The following THSD4 variants were observed in gnomAD, a reference collection of about 807,000 sequenced individuals.
THSD4 encodes the protein thrombospondin type-1 domain-containing protein 4.
In THSD4, 69 loss-of-function variants were observed where a neutral mutation model predicts 119.0. That is an observed-to-expected ratio of 0.58 (90% CI 0.48 to 0.71). The LOEUF is 0.71. THSD4 is among the 30% of genes least tolerant of loss of function. The pLI, the probability that THSD4 is intolerant of heterozygous loss-of-function variation, is 0.00. For synonymous variants in THSD4, 524 were observed against 540.4 expected (o/e 0.97, Z 0.42); for missense variants, 1,393 against 1,391.1 (o/e 1.00, Z -0.02).
At chr15:71,561,783 C>G (rs2049121167) in intron 7 of THSD4, among the ~76,000 whole-genome samples, 1 of 152,082 alleles carries the variant, frequency 6.6e-6, no homozygotes, top group African/African-American at 2.4e-5. Context: ...TGTCCATACC[C>G]TCCCAGGTGG....
intron 8 of THSD4, among the ~76,000 whole-genome samples, chr15:71,706,950 T>C (rs1303849371): frequency 1.3e-5 from 2 of 152,030 alleles, no homozygotes; most frequent in Non-Finnish European, 2.9e-5. Flanking sequence ...GGAGAGGAGT[T>C]GGCAGAGTGG....
At chr15:71,099,734 G>A (rs866729303) in intron 1 of THSD4, among the ~76,000 whole-genome samples, 12 of 152,076 alleles carry the variant, frequency 7.9e-5, no homozygotes, top group African/African-American at 1.9e-4. Context: ...GGAGGCCAAG[G>A]GGGGCAGATC....
In THSD4 at chr15:71,271,678, A is replaced by G. The variant is rs116427209; in HGVS notation, c.1015+14963A>G. ...CTTTTCCCTTTTCTCTTTCTTTCTC[A>G]TTGTCTCACTCTCTGCCTCTCTCTC... On this transcript the variant is annotated intron_variant, in intron 6 of 17. Transcript: ENST00000261862. 4.2e-3 allele frequency among the ~76,000 whole-genome samples: 635 copies of G among 152,154 alleles called. 3 individuals carry two copies. The highest frequency in any genetic ancestry group is 0.015 in the African/African-American group (610 of 41,508).
At chr15:71,749,653 C>T (rs1446882126) in intron 14 of THSD4, among the ~76,000 whole-genome samples, 2 of 151,036 alleles carry the variant, frequency 1.3e-5, no homozygotes, top group East Asian at 1.9e-4. Context: ...AGGGATTCTA[C>T]ATTTATTTTC....
At chr15:71,736,967 T>C (rs1373404252) in intron 10 of THSD4, among the ~76,000 whole-genome samples, 3 of 152,250 alleles carry the variant, frequency 2.0e-5, no homozygotes, top group East Asian at 1.9e-4. Flanking sequence ...TATGTGTGTG[T>C]GTTCTGCTTT....
intron 2 of THSD4, among the ~76,000 whole-genome samples, chr15:71,153,292 C>G (rs1174954065): frequency 6.6e-6 from 1 of 152,188 alleles, no homozygotes; most frequent in African/African-American, 2.4e-5. Context: ...CAAACTCCAT[C>G]CTCCAGCCTC....
intron 3 of THSD4, among the ~76,000 whole-genome samples, chr15:71,173,489 A>G (rs998503837): frequency 6.6e-6 from 1 of 151,726 alleles, no homozygotes; most frequent in African/African-American, 2.4e-5. Flanking sequence ...TAAAAATCCC[A>G]GTTGTTATTG....
At chr15:71,271,537 A>G (rs1392649274) in intron 6 of THSD4, among the ~76,000 whole-genome samples, 1 of 152,252 alleles carries the variant, frequency 6.6e-6, no homozygotes, top group Admixed American at 6.5e-5. Flanking sequence ...GTTTTATGTC[A>G]TGATTGGCAT....
intron 7 of THSD4, among the ~76,000 whole-genome samples, chr15:71,412,061 G>A (rs886205941): frequency 2.0e-5 from 3 of 152,198 alleles, no homozygotes; most frequent in African/African-American, 7.2e-5. Flanking sequence ...AGTGATTTAT[G>A]TTGACACCAC....
chr15:71,767,818 T>C (rs1328772051), intron 16 of THSD4, among the ~76,000 whole-genome samples: 2 of 152,206 alleles, frequency 1.3e-5, no homozygotes, highest in Admixed American at 6.5e-5. Flanking sequence ...GGGATATCTT[T>C]TTCTAGCAGG....
At chr15:71,506,223 T>C (rs1165893719) in intron 7 of THSD4, among the ~76,000 whole-genome samples, 13 of 152,188 alleles carry the variant, frequency 8.5e-5, no homozygotes, top group Admixed American at 2.6e-4. Flanking sequence ...GAATCAAATA[T>C]CTTTTGCCTC....
chr15:71,457,692 C>G (rs2047360279), intron 7 of THSD4, among the ~76,000 whole-genome samples: 1 of 152,210 alleles, frequency 6.6e-6, no homozygotes, highest in African/African-American at 2.4e-5. Flanking sequence ...TTCTTCGATG[C>G]TTCTGTTCAG....
intron 11 of THSD4, among the ~76,000 whole-genome samples, chr15:71,742,513 A>G (rs142821652): frequency 4.0e-4 from 61 of 152,138 alleles, no homozygotes; most frequent in African/African-American, 1.4e-3. Context: ...CCCCCCTTCA[A>G]CATGACATAT....
chr15:71,569,105 A>T (rs1486005147), intron 7 of THSD4, among the ~76,000 whole-genome samples: 1 of 152,266 alleles, frequency 6.6e-6, no homozygotes, highest in Non-Finnish European at 1.5e-5. Context: ...AGAAGCATCC[A>T]GGGTAAAATG....
At chr15:71,331,999 A>G (rs1055178437) in intron 6 of THSD4, among the ~76,000 whole-genome samples, 4 of 152,188 alleles carry the variant, frequency 2.6e-5, no homozygotes, top group African/African-American at 9.7e-5. Flanking sequence ...TCAGATAGCA[A>G]TGCAAGTCTG....
chr15:71,369,167 TAAG>T (rs2046008739), intron 6 of THSD4, among the ~76,000 whole-genome samples: 1 of 152,242 alleles, frequency 6.6e-6, no homozygotes, highest in Admixed American at 6.5e-5. Flanking sequence ...CTTATCAGCT[TAAG>T]GAGATTTTGG....
intron 6 of THSD4, among the ~76,000 whole-genome samples, chr15:71,329,037 C>T (rs770938139): frequency 6.6e-6 from 1 of 152,176 alleles, no homozygotes; most frequent in African/African-American, 2.4e-5. Context: ...CTTATTTTAG[C>T]TTCAAGCCAA....
intron 8 of THSD4, among the ~76,000 whole-genome samples, chr15:71,706,891 T>C (rs965732900): frequency 1.3e-5 from 2 of 152,158 alleles, no homozygotes; most frequent in African/African-American, 4.8e-5. Flanking sequence ...ACGTGGTTTG[T>C]CTTTTCCTTT....
intron 4 of THSD4, among the ~76,000 whole-genome samples, chr15:71,222,407 C>G (rs2043982293): frequency 6.6e-6 from 1 of 152,224 alleles, no homozygotes; most frequent in Non-Finnish European, 1.5e-5. Flanking sequence ...ATTCATCACA[C>G]TCATTAACCA....
Sources: gnomAD v4.1 joint callset for allele counts (sites outside exome capture counted in the v4.1 genomes callset) on GRCh38, gnomAD v4.1.1 for gene constraint, MANE v1.5 for transcripts, NCBI Gene and HGNC (gene_info 2026-07-23, HGNC 2026-07-21) for gene names.